Variants in PCDHA8 observed in about 807,000 individuals in gnomAD.
PCDHA8 encodes the protein protocadherin alpha 8.
Under a neutral mutation model 61.8 loss-of-function variants are expected in PCDHA8, and 53 were observed. That is an observed-to-expected ratio of 0.86 (90% CI 0.69 to 1.08). The LOEUF is 1.08. Ranked by LOEUF, PCDHA8 falls within the 50% of genes least tolerant of loss-of-function variation. PCDHA8 has a pLI of 0.00. For missense variants in PCDHA8, 1,293 were observed against 1,245.0 expected, an observed-to-expected ratio of 1.04 and a Z score of -0.58; for synonymous variants, 618 against 556.6, an observed-to-expected ratio of 1.11 and a Z score of -1.55.
chr5:140,853,250 TTCTC>T (rs2042687770), intron 1 of PCDHA8: 1 of 976,068 alleles, frequency 1.0e-6, no homozygotes, highest in Non-Finnish European at 1.2e-6. Context: ...TTAATCTCTA[TTCTC>T]TCTCAGAGTA....
chr5:140,928,802 TG>T, intron 1 of PCDHA8: 1 of 1,614,142 alleles, frequency 6.2e-7, no homozygotes, highest in South Asian at 1.1e-5. Context: ...GTGGTGGTAG[TG>T]GTTCGGGACC....
chr5:141,002,023 G>GC (rs1479327416), intron 3 of PCDHA8, among the ~76,000 whole-genome samples: 4 of 152,186 alleles, frequency 2.6e-5, no homozygotes, highest in Admixed American at 6.5e-5. Flanking sequence ...ACAGCCTTCG[G>GC]TGCCCTGACT....
chr5:140,926,823 G>A (rs1454618329), intron 1 of PCDHA8: 2 of 1,496,880 alleles, frequency 1.3e-6, no homozygotes, highest in Non-Finnish European at 1.8e-6. Flanking sequence ...TGCTCTCCAG[G>A]AGTCCGGAGC....
chr5:140,971,332 A>G (rs1229650076), intron 1 of PCDHA8, among the ~76,000 whole-genome samples: 3 of 152,242 alleles, frequency 2.0e-5, no homozygotes, highest in Non-Finnish European at 4.4e-5. Context: ...AAATTATTTC[A>G]GAAAGTGCTT....
At chr5:140,870,534 G>T (rs547039725) in intron 1 of PCDHA8, 12 of 1,614,150 alleles carry the variant, frequency 7.4e-6, no homozygotes, top group Non-Finnish European at 1.0e-5. Context: ...TCACAGTGTC[G>T]GCGCGGGACG....
chr5:140,911,404 A>G (rs2075457175), intron 1 of PCDHA8, among the ~76,000 whole-genome samples: 1 of 152,174 alleles, frequency 6.6e-6, no homozygotes, highest in African/African-American at 2.4e-5. Flanking sequence ...CAGGTCAGCC[A>G]CTGGTATGAT....
intron 1 of PCDHA8, chr5:140,857,914 C>T: frequency 6.3e-7 from 1 of 1,597,754 alleles, no homozygotes; most frequent in Non-Finnish European, 8.6e-7. Flanking sequence ...TCCCGTTTCG[C>T]GTGGGGCTGT....
chr5:140,982,882 C>A (rs1554244920), intron 3 of PCDHA8, among the ~76,000 whole-genome samples: 1 of 151,972 alleles, frequency 6.6e-6, no homozygotes, highest in African/African-American at 2.4e-5. Flanking sequence ...CCAAGCCATG[C>A]AGAGAAGATC....
Position 140,841,266 on chromosome 5 carries a change from CAG to C in PCDHA8, c.-55_-54del, listed in dbSNP as rs1777120353. 1 of 1,522,182 alleles carries C rather than the reference CAG, an allele frequency of 6.6e-7. No individual in the cohort carries two copies. Among genetic ancestry groups the C allele is most frequent in the African/African-American group, 1.4e-5 (1 of 71,784 alleles). The allele number at this position is 1,522,182 out of a possible 1,614,324, so 94.3% of individuals were successfully genotyped here. On this transcript the variant is annotated 5_prime_UTR_variant, in exon 1 of 4. Coordinates refer to ENST00000531613, the MANE Select transcript of PCDHA8 (RefSeq NM_018911.3). Reference sequence around the variant, plus strand: ...ATTGGATTAAAAGACTCTGAAAGTACAGTCGTTCATCTTTATATTAAGATAAT... The same window carrying C: ...ATTGGATTAAAAGACTCTGAAAGTACTCGTTCATCTTTATATTAAGATAAT...
intron 1 of PCDHA8, among the ~76,000 whole-genome samples, chr5:140,940,929 A>G (rs2092704989): frequency 1.3e-5 from 2 of 152,230 alleles, no homozygotes; most frequent in Non-Finnish European, 2.9e-5. Flanking sequence ...CTCCTTGGCT[A>G]CTTAGACTAC....
chr5:141,007,678 A>T (rs1472767852), intron 3 of PCDHA8, among the ~76,000 whole-genome samples: 1 of 152,236 alleles, frequency 6.6e-6, no homozygotes, highest in Non-Finnish European at 1.5e-5. Context: ...GACAAAAGTT[A>T]TCCTACTTCC....
chr5:140,850,879 C>A (rs2150501286), intron 1 of PCDHA8: 1 of 1,586,914 alleles, frequency 6.3e-7, no homozygotes, highest in South Asian at 1.1e-5. Context: ...TCCTCAGATT[C>A]AACTGGGAAG....
intron 1 of PCDHA8, chr5:140,883,163 A>C: frequency 6.2e-7 from 1 of 1,614,068 alleles, no homozygotes; most frequent in South Asian, 1.1e-5. Context: ...AAATCCGAAC[A>C]ATGGAGAAAT....
At chr5:140,942,588 ATATAAT>A (rs1164852863) in intron 1 of PCDHA8, among the ~76,000 whole-genome samples, 1 of 149,588 alleles carries the variant, frequency 6.7e-6, no homozygotes, top group Non-Finnish European at 1.5e-5. Flanking sequence ...AGGATGTCAC[ATATAAT>A]TATAGTGTTT....
chr5:140,939,787 C>G (rs1486449192), intron 1 of PCDHA8, among the ~76,000 whole-genome samples: 2 of 152,180 alleles, frequency 1.3e-5, no homozygotes, highest in African/African-American at 2.4e-5. Flanking sequence ...TGGTCAATTT[C>G]TATAAATGTT....
chr5:140,861,728 A>G (rs2047042358), intron 1 of PCDHA8: 1 of 191,386 alleles, frequency 5.2e-6, no homozygotes, highest in Non-Finnish European at 1.1e-5. Context: ...TGCTCTGATG[A>G]CTTACATACT....
intron 1 of PCDHA8, chr5:140,926,643 G>A (rs1292255848): frequency 4.9e-5 from 22 of 452,632 alleles, no homozygotes; most frequent in African/African-American, 3.9e-4. Flanking sequence ...CTCAACACCC[G>A]GCCGGCTCCG....
chr5:140,895,822 T>A (rs1353175200), intron 1 of PCDHA8, among the ~76,000 whole-genome samples: 1 of 152,084 alleles, frequency 6.6e-6, no homozygotes, highest in Non-Finnish European at 1.5e-5. Context: ...TTGTATTGTA[T>A]TTTTTTCAGA....
chr5:140,941,685 A>G (rs983394705), intron 1 of PCDHA8, among the ~76,000 whole-genome samples: 2 of 151,952 alleles, frequency 1.3e-5, no homozygotes, highest in Non-Finnish European at 2.9e-5. Flanking sequence ...TATTCTGTTT[A>G]CCTCTTTGGG....
Sources: gnomAD v4.1 joint callset for allele counts (sites outside exome capture counted in the v4.1 genomes callset) on GRCh38, gnomAD v4.1.1 for gene constraint, MANE v1.5 for transcripts, NCBI Gene and HGNC (gene_info 2026-07-23, HGNC 2026-07-21) for gene names.